The following KDM2A variants were observed in gnomAD, a reference collection of about 807,000 sequenced individuals.
KDM2A encodes the protein lysine-specific demethylase 2A.
KDM2A carries 3 observed loss-of-function variants against 137.3 expected under a neutral mutation model. The observed-to-expected ratio is 0.02, with a 90% CI of 0.01 to 0.06. The LOEUF (loss-of-function observed/expected upper bound fraction) is 0.06. Ranked by LOEUF, KDM2A falls within the 10% of genes least tolerant of loss-of-function variation. The probability of loss-of-function intolerance (pLI) is 1.00; values close to 1 mark genes in which losing one functional copy is unlikely to be tolerated. For synonymous variants in KDM2A, 512 were observed against 541.5 expected (o/e 0.95, Z 0.76); for missense variants, 738 against 1,510.6 (o/e 0.49, Z 8.48).
intron 3 of KDM2A, among the ~76,000 whole-genome samples, chr11:67,180,860 C>G (rs1857076877): frequency 6.6e-6 from 1 of 151,442 alleles, no homozygotes; most frequent in Non-Finnish European, 1.5e-5. Flanking sequence ...CGGGGTTTCG[C>G]CATGTTGGCC....
intron 3 of KDM2A, among the ~76,000 whole-genome samples, chr11:67,181,055 A>T (rs1264254782): frequency 6.6e-6 from 1 of 151,488 alleles, no homozygotes; most frequent in Non-Finnish European, 1.5e-5. Context: ...TCCTATCCCC[A>T]TATTATTTAA....
intron 12 of KDM2A, among the ~76,000 whole-genome samples, chr11:67,234,169 C>T (rs1858800830): frequency 1.3e-5 from 2 of 152,178 alleles, no homozygotes; most frequent in African/African-American, 2.4e-5. Flanking sequence ...AAAGATATAG[C>T]AAGCTTAGAG....
chr11:67,133,943 C>T (rs1052496166), intron 2 of KDM2A, among the ~76,000 whole-genome samples: 3 of 151,986 alleles, frequency 2.0e-5, no homozygotes, highest in African/African-American at 4.8e-5. Context: ...CCTCCCACCT[C>T]GGCCTCCCAA....
intron 6 of KDM2A, among the ~76,000 whole-genome samples, chr11:67,208,044 A>G (rs774052517): frequency 3.9e-5 from 6 of 152,158 alleles, no homozygotes; most frequent in Admixed American, 6.6e-5. Flanking sequence ...AATTTAAAAT[A>G]AAATGCGTTG....
At chr11:67,253,416 C>A in intron 18 of KDM2A, 37 bp from the exon 19 acceptor site, 1 of 1,583,628 alleles carries the variant, frequency 6.3e-7, no homozygotes. Flanking sequence ...TGCTGGGAAA[C>A]AGTGTATTAT....
intron 5 of KDM2A, among the ~76,000 whole-genome samples, chr11:67,189,877 A>G (rs1857308441): frequency 6.6e-6 from 1 of 152,150 alleles, no homozygotes; most frequent in Non-Finnish European, 1.5e-5. Context: ...ACAAAAGAAG[A>G]GAAACTTAAA....
intron 5 of KDM2A, among the ~76,000 whole-genome samples, chr11:67,186,826 A>G (rs1857217957): frequency 6.6e-6 from 1 of 152,324 alleles, no homozygotes; most frequent in South Asian, 2.1e-4. Context: ...CCAGCTACTC[A>G]GTAGGCTGAG....
intron 2 of KDM2A, among the ~76,000 whole-genome samples, chr11:67,162,636 C>A (rs1447303254): frequency 2.0e-5 from 3 of 152,100 alleles, no homozygotes; most frequent in African/African-American, 7.2e-5. Flanking sequence ...GAACTCCTGA[C>A]CTCAAGTGAT....
chr11:67,170,647 C>T (rs867866781), intron 2 of KDM2A, among the ~76,000 whole-genome samples: 1 of 151,818 alleles, frequency 6.6e-6, no homozygotes, highest in Admixed American at 6.6e-5. Context: ...TCTCCTCACC[C>T]AGTGATCCGC....
At chr11:67,135,119 A>G (rs1252408845) in intron 2 of KDM2A, among the ~76,000 whole-genome samples, 3 of 150,680 alleles carry the variant, frequency 2.0e-5, no homozygotes, top group Non-Finnish European at 4.4e-5. Context: ...CCCAGGCTGG[A>G]GTGCAATGGC....
chr11:67,185,712 G>C (rs1565393885), intron 5 of KDM2A, among the ~76,000 whole-genome samples: 1 of 151,954 alleles, frequency 6.6e-6, no homozygotes, highest in African/African-American at 2.4e-5. Context: ...ATTAAGCAGT[G>C]GGATCTTTAA....
chr11:67,134,413 C>T (rs905213071), intron 2 of KDM2A, among the ~76,000 whole-genome samples: 12 of 152,178 alleles, frequency 7.9e-5, no homozygotes, highest in African/African-American at 2.9e-4. Flanking sequence ...TTGACAAACC[C>T]TGATGTAAAG....
chr11:67,179,387 C>T (rs553703256), intron 2 of KDM2A, among the ~76,000 whole-genome samples: 7 of 152,272 alleles, frequency 4.6e-5, no homozygotes, highest in Non-Finnish European at 2.9e-5. Context: ...GATTCTCCTG[C>T]GTCAGCCTCC....
At chr11:67,201,898 T>C (rs553884585) in intron 5 of KDM2A, among the ~76,000 whole-genome samples, 1 of 150,918 alleles carries the variant, frequency 6.6e-6, no homozygotes, top group African/African-American at 2.4e-5. Context: ...GAGGTTGCAA[T>C]GAGCTCTGAT....
At chr11:67,219,430 T>A in intron 10 of KDM2A, 27 bp downstream of exon 10, 1 of 1,301,376 alleles carries the variant, frequency 7.7e-7, no homozygotes. Context: ...AACAGTTGCA[T>A]GTGAAGAGGT....
intron 2 of KDM2A, among the ~76,000 whole-genome samples, chr11:67,168,582 TACACACACACACACACACAC>T (rs71056179): frequency 1.8e-4 from 6 of 34,002 alleles, no homozygotes; most frequent in African/African-American, 8.0e-4. Flanking sequence ...GTATGAATTA[TACACACACACACACACACAC>T]ACACACACAC....
chr11:67,253,470 C>T lies in KDM2A; in HGVS notation c.2950C>T (p.Leu984=). The change falls in exon 19 of 21, where the codon CTA becomes TTA. Residue 984 remains leucine (L), a synonymous_variant. Transcript: ENST00000529006. ...NRLPGLKDLL[L]AGCSWSAVSA... ...CATTGCAGGACTGAAAGACCTCCTC[C>T]TAGCAGGCTGCTCCTGGTCTGCAGT... 1 of 1,613,746 alleles carries T rather than the reference C, an allele frequency of 6.2e-7. No homozygotes were observed. Among genetic ancestry groups the T allele is most frequent in the Non-Finnish European group, 8.5e-7 (1 of 1,179,714 alleles).
chr11:67,219,275 C>G lies in KDM2A; in HGVS notation c.842-13C>G. 1.4e-6 allele frequency: 2 copies of G among 1,460,986 alleles called. No homozygotes were observed. The allele number at this position is 1,460,986 out of a possible 1,614,324, so 90.5% of individuals were successfully genotyped here. On this transcript the variant is annotated splice_polypyrimidine_tract_variant and intron_variant, in intron 9 of 20. Coordinates refer to ENST00000529006, the MANE Select transcript of KDM2A (RefSeq NM_012308.3). ...GTGTTTTCAGCCACTGCCCTCTGTT[C>G]CCCTTCTCCTAGGCTGGATTCATGC... is the stretch of plus-strand genomic sequence containing the variant.
chr11:67,145,575 G>T (rs1291080179), intron 2 of KDM2A, among the ~76,000 whole-genome samples: 1 of 151,800 alleles, frequency 6.6e-6, no homozygotes, highest in Non-Finnish European at 1.5e-5. Flanking sequence ...GGAAATAAAG[G>T]CTCATAGAGG....
Sources: allele counts gnomAD v4.1 joint callset (sites outside exome capture counted in the v4.1 genomes callset), GRCh38; gene constraint gnomAD v4.1.1; transcripts MANE v1.5; gene names NCBI Gene and HGNC (gene_info 2026-07-23, HGNC 2026-07-21).